Variants in SP140L observed in about 807,000 individuals in gnomAD.
SP140L encodes nuclear body protein SP140-like protein.
In SP140L, 64 loss-of-function variants were observed where a neutral mutation model predicts 84.3. That is an observed-to-expected ratio of 0.76 (90% CI 0.62 to 0.94). SP140L has a LOEUF of 0.94. Among genes scored for constraint, SP140L ranks in the 40% least tolerant of loss-of-function variants. SP140L has a pLI of 0.00. For synonymous variants in SP140L, 242 were observed against 236.9 expected (o/e 1.02, Z -0.20); for missense variants, 628 against 692.5 (o/e 0.91, Z 1.05).
chr2:230,371,066 T>G (rs2061052163), intron 6 of SP140L, 99 bp downstream of exon 6: 1 of 1,031,872 alleles, frequency 9.7e-7, no homozygotes, highest in Non-Finnish European at 1.5e-6. Flanking sequence ...AGAATCCTGT[T>G]CTGTGCATTT....
intron 14 of SP140L, 52 bp from the exon 15 acceptor site, chr2:230,400,075 C>T (rs1231513381): frequency 1.3e-6 from 2 of 1,598,248 alleles, no homozygotes; most frequent in East Asian, 2.2e-5. Context: ...AGAGGGGTGG[C>T]CTTCCTGAAT....
chr2:230,396,619 T>TTAG, intron 13 of SP140L, 138 bp from the exon 14 acceptor site: 2 of 959,368 alleles, frequency 2.1e-6, no homozygotes, highest in East Asian at 5.3e-5. Flanking sequence ...CCCAGCCTAC[T>TTAG]GGCCTTCATC....
At chr2:230,396,593 A>G (rs1271729989) in intron 13 of SP140L, among the ~76,000 whole-genome samples, 164 bp from the exon 14 acceptor site, 1 of 152,252 alleles carries the variant, frequency 6.6e-6, no homozygotes, top group Admixed American at 6.5e-5. Flanking sequence ...ATAGGAAATT[A>G]AAGCACTGGA....
intron 5 of SP140L, among the ~76,000 whole-genome samples, chr2:230,364,428 T>C (rs1451761756): frequency 2.0e-5 from 3 of 152,138 alleles, no homozygotes; most frequent in African/African-American, 4.8e-5. Context: ...ATTGTTTTAT[T>C]GATGCCTTTT....
chr2:230,381,515 A>G (rs2061404422), intron 7 of SP140L, among the ~76,000 whole-genome samples: 1 of 152,186 alleles, frequency 6.6e-6, no homozygotes, highest in Non-Finnish European at 1.5e-5. Context: ...ACTCTGATTA[A>G]TTTGACCCAT....
At chr2:230,333,454 G>T (rs1053744848) in intron 2 of SP140L, among the ~76,000 whole-genome samples, 1 of 152,016 alleles carries the variant, frequency 6.6e-6, no homozygotes, top group African/African-American at 2.4e-5. Flanking sequence ...CACCGCGCCC[G>T]ACCCCCATTC....
intron 2 of SP140L, among the ~76,000 whole-genome samples, chr2:230,332,368 TTTAGCTC>T (rs2059749108): frequency 6.6e-6 from 1 of 152,234 alleles, no homozygotes; most frequent in Non-Finnish European, 1.5e-5. Flanking sequence ...TCTTTAACCT[TTTAGCTC>T]TTCCTTCTGT....
chr2:230,392,317 G>C (rs1055120191), intron 12 of SP140L, 88 bp downstream of exon 12: 30 of 1,578,024 alleles, frequency 1.9e-5, no homozygotes, highest in African/African-American at 2.7e-5. Flanking sequence ...ATATTTGTTA[G>C]GTTATAGCTA....
At chr2:230,347,688 G>T (rs1449408655) in intron 2 of SP140L, among the ~76,000 whole-genome samples, 4 of 152,218 alleles carry the variant, frequency 2.6e-5, no homozygotes, top group Non-Finnish European at 5.9e-5. Flanking sequence ...GGTCAAGGAC[G>T]TATGTTAGGC....
chr2:230,342,237 T>A (rs1357223634), intron 2 of SP140L: 1 of 156,224 alleles, frequency 6.4e-6, no homozygotes, highest in Non-Finnish European at 1.4e-5. Context: ...AGTATTCAGG[T>A]GGGAGTGACC....
At chr2:230,400,663 G>A in intron 15 of SP140L, 2 of 600,564 alleles carry the variant, frequency 3.3e-6, no homozygotes, top group Admixed American at 3.1e-5. Context: ...CTGACACACA[G>A]GCCTGGCAGG....
chr2:230,391,830 A>G (rs1010007035), intron 11 of SP140L: 3 of 382,534 alleles, frequency 7.8e-6, no homozygotes, highest in African/African-American at 6.0e-5. Flanking sequence ...GAAATGCTTA[A>G]AAGGTTGCTC....
intron 5 of SP140L, among the ~76,000 whole-genome samples, chr2:230,365,917 A>T (rs939682597): frequency 6.6e-6 from 1 of 151,968 alleles, no homozygotes; most frequent in Non-Finnish European, 1.5e-5. Context: ...TTTAATTTCC[A>T]TGTATTTACA....
chr2:230,375,002 T>G (rs1485624990), intron 7 of SP140L, among the ~76,000 whole-genome samples: 5 of 152,234 alleles, frequency 3.3e-5, no homozygotes, highest in African/African-American at 4.8e-5. Context: ...TTTGAAATTT[T>G]TATCTGATCA....
At chr2:230,361,948 T>A (rs1200430093) in intron 5 of SP140L, among the ~76,000 whole-genome samples, 2 of 152,146 alleles carry the variant, frequency 1.3e-5, no homozygotes. Context: ...AGGCCAGATT[T>A]ACAGATGCTA....
At chr2:230,378,420 G>A (rs1474766204) in intron 7 of SP140L, among the ~76,000 whole-genome samples, 1 of 152,144 alleles carries the variant, frequency 6.6e-6, no homozygotes, top group Non-Finnish European at 1.5e-5. Flanking sequence ...AGGGTGAAGA[G>A]CAAAATTATC....
intron 2 of SP140L, among the ~76,000 whole-genome samples, chr2:230,342,547 T>A (rs2060087835): frequency 6.6e-6 from 1 of 152,210 alleles, no homozygotes; most frequent in South Asian, 2.1e-4. Context: ...GGAAAGGTTT[T>A]TTTTTCCTAC....
At chr2:230,386,652 A>G (rs913231754) in intron 9 of SP140L, among the ~76,000 whole-genome samples, 2 of 152,174 alleles carry the variant, frequency 1.3e-5, no homozygotes, top group African/African-American at 4.8e-5. Flanking sequence ...AATTTGCTGG[A>G]TTTAAGCTCC....
chr2:230,355,221 A>G (rs1048553210), intron 2 of SP140L, among the ~76,000 whole-genome samples: 4 of 152,188 alleles, frequency 2.6e-5, no homozygotes, highest in African/African-American at 9.7e-5. Flanking sequence ...GGAAATCTAT[A>G]AATACTTTAC....
Sources: allele counts gnomAD v4.1 joint callset (sites outside exome capture counted in the v4.1 genomes callset), GRCh38; gene constraint gnomAD v4.1.1; transcripts MANE v1.5; gene names NCBI Gene and HGNC (gene_info 2026-07-23, HGNC 2026-07-21).